Variants in PRKCB observed in about 807,000 individuals in gnomAD.
PRKCB encodes the protein protein kinase C beta type.
A neutral mutation model predicts 81.5 loss-of-function variants in PRKCB; 13 were observed. The ratio of observed to expected loss-of-function variants is 0.16; its 90% confidence interval spans 0.10 to 0.25. The LOEUF (loss-of-function observed/expected upper bound fraction) is 0.25, where lower values mean the gene tolerates loss of function less well. PRKCB is among the 10% of genes least tolerant of loss of function. PRKCB has a pLI of 1.00. For missense variants in PRKCB, 509 were observed against 875.7 expected (o/e 0.58, Z 5.29); for synonymous variants, 335 against 321.4 (o/e 1.04, Z -0.45).
chr16:24,121,090 G>A (rs1323684564), intron 8 of PRKCB, among the ~76,000 whole-genome samples: 1 of 152,186 alleles, frequency 6.6e-6, no homozygotes, highest in Non-Finnish European at 1.5e-5. Context: ...TCAACACTTT[G>A]TCTGCCTCCT....
chr16:23,979,143 C>A lies in PRKCB; in HGVS notation c.206-9365C>A, dbSNP rs1273438639. On this transcript the variant is annotated intron_variant, in intron 2 of 16. Coordinates refer to ENST00000643927, the MANE Select transcript of PRKCB (RefSeq NM_002738.7). The stretch of plus-strand genomic sequence containing the variant: ...ATAACTCACTTATTCCTCATAACAA[C>A]TCTATGAGGAAAGTACTATCATTGT... Among the ~76,000 whole-genome samples, 3 of 152,186 alleles carry A rather than the reference C, an allele frequency of 2.0e-5. No individual in the cohort carries two copies. In the East Asian group the frequency reaches 5.8e-4, roughly 29 times the overall value.
intron 5 of PRKCB, among the ~76,000 whole-genome samples, chr16:24,045,957 G>A (rs1324445164): frequency 6.6e-6 from 1 of 152,246 alleles, no homozygotes; most frequent in Non-Finnish European, 1.5e-5. Flanking sequence ...CATCTTACCA[G>A]TCATGAAGCT....
intron 16 of PRKCB, among the ~76,000 whole-genome samples, chr16:24,212,086 A>G (rs897455037): frequency 6.6e-6 from 1 of 152,136 alleles, no homozygotes; most frequent in Non-Finnish European, 1.5e-5. Flanking sequence ...AATTGCAATG[A>G]TCCTTTTTCG....
chr16:24,125,783 C>T (rs757537771), intron 9 of PRKCB, among the ~76,000 whole-genome samples: 1 of 152,198 alleles, frequency 6.6e-6, no homozygotes. Context: ...GTGGCAAGGG[C>T]ATCCACTGAG....
At chr16:23,903,269 G>A (rs1963511058) in intron 2 of PRKCB, among the ~76,000 whole-genome samples, 1 of 151,892 alleles carries the variant, frequency 6.6e-6, no homozygotes, top group Non-Finnish European at 1.5e-5. Flanking sequence ...GTGTGTGTGT[G>A]TGTGTGTGTG....
At position 24,219,245 on chromosome 16, in the gene PRKCB, CTTTTG is replaced by C. The variant is rs10639027; in HGVS notation, c.*4454_*4458del. ...AGGAGAATCGAGTTGCTTTGAGTTT[CTTTTG>C]TTTTGTTTTGTTTTGTTTTGTTTTA... On this transcript the variant is annotated 3_prime_UTR_variant, in exon 17 of 17. Transcript: ENST00000643927. 1.6e-3 allele frequency: 1,568 copies of C among 981,980 alleles called. 2 individuals are homozygous for C. The highest frequency in any genetic ancestry group is 2.1e-3 in the Admixed American group (34 of 16,120). The allele number at this position is 981,980 out of a possible 1,614,324, so 60.8% of individuals were successfully genotyped here.
At chr16:23,958,052 C>T (rs1249804000) in intron 2 of PRKCB, among the ~76,000 whole-genome samples, 1 of 152,156 alleles carries the variant, frequency 6.6e-6, no homozygotes, top group Non-Finnish European at 1.5e-5. Flanking sequence ...AGTGCAGTGG[C>T]ACAATCTTGG....
At chr16:23,881,253 G>A (rs998252720) in intron 2 of PRKCB, among the ~76,000 whole-genome samples, 4 of 136,408 alleles carry the variant, frequency 2.9e-5, no homozygotes, top group Non-Finnish European at 6.2e-5. Flanking sequence ...TCTTTTCCCA[G>A]TTTTTTTTTT....
intron 16 of PRKCB, among the ~76,000 whole-genome samples, chr16:24,203,617 AC>A (rs1967998523): frequency 6.6e-6 from 1 of 152,150 alleles, no homozygotes; most frequent in African/African-American, 2.4e-5. Flanking sequence ...TTCCAACTCC[AC>A]AAAGACTTCC....
chr16:24,101,690 G>C (rs1567374628), intron 7 of PRKCB, among the ~76,000 whole-genome samples: 1 of 152,214 alleles, frequency 6.6e-6, no homozygotes, highest in East Asian at 1.9e-4. Flanking sequence ...TTCTTACACT[G>C]TCATAGCTTT....
At chr16:24,021,870 A>T (rs1315810274) in intron 3 of PRKCB, among the ~76,000 whole-genome samples, 3 of 152,198 alleles carry the variant, frequency 2.0e-5, no homozygotes, top group African/African-American at 7.2e-5. Context: ...GGCAGGTAGT[A>T]TGTGTTCAAT....
rs1180605929 is a variant in PRKCB, at chr16:23,926,795, T to G, written c.206-61713T>G. 2.0e-5 allele frequency among the ~76,000 whole-genome samples: 3 copies of G among 152,088 alleles called. No homozygotes were observed. The East Asian group carries it at 5.8e-4, about 29-fold the overall frequency. Reference sequence around the variant, plus strand: ...CGTATGAGTGCAGGCATCTTTTATATAATAATTTCTTCTTTGGATAGCTGC... The same window carrying G: ...CGTATGAGTGCAGGCATCTTTTATAGAATAATTTCTTCTTTGGATAGCTGC... On this transcript the variant is annotated intron_variant, in intron 2 of 16. Coordinates refer to ENST00000643927, the MANE Select transcript of PRKCB (RefSeq NM_002738.7).
rs56883594 is a variant in PRKCB, at chr16:24,088,714, CAAAAA to C, written c.530-4058_530-4054del. Reference sequence around the variant, plus strand: ...ACCGCACTCCAGCGAGACCCTGTGTCAAAAAAAAAAAAAAAAAAAAAAATTGCTCT... The same window carrying C: ...ACCGCACTCCAGCGAGACCCTGTGTCAAAAAAAAAAAAAAAAAATTGCTCT... On this transcript the variant is annotated intron_variant, in intron 5 of 16. Coordinates refer to ENST00000643927, the MANE Select transcript of PRKCB (RefSeq NM_002738.7). Among the ~76,000 whole-genome samples, 222 of 113,636 alleles carry C rather than the reference CAAAAA, an allele frequency of 2.0e-3. 2 individuals carry two copies. Among genetic ancestry groups the C allele is most frequent in the Middle Eastern group, 9.3e-3 (2 of 216 alleles). 74.5% of individuals were successfully genotyped at this position (113,636 alleles called of 152,430 possible). A position where few individuals can be genotyped will look rare whatever the true frequency, so the allele number is the denominator to read the frequency against.
intron 2 of PRKCB, among the ~76,000 whole-genome samples, chr16:23,868,551 G>A (rs977052263): frequency 4.6e-5 from 7 of 152,112 alleles, no homozygotes; most frequent in Non-Finnish European, 7.4e-5. Flanking sequence ...ATAACCTGAG[G>A]CTCAGTTATT....
chr16:23,856,455 T>C (rs2188355), intron 2 of PRKCB, among the ~76,000 whole-genome samples: 97,199 of 151,834 alleles, frequency 0.64, 31,209 homozygotes, highest in Admixed American at 0.68. Context: ...AGGTCAAGAA[T>C]ACCATGAAGA....
intron 3 of PRKCB, among the ~76,000 whole-genome samples, chr16:24,022,643 C>T (rs1261474753): frequency 3.3e-5 from 5 of 152,036 alleles, no homozygotes; most frequent in Non-Finnish European, 7.4e-5. Context: ...AGGTGCATGC[C>T]GCCACGCCCG....
At position 24,216,733 on chromosome 16, in the gene PRKCB, A is replaced by G; in HGVS notation, c.*1917A>G. 1.0e-6 allele frequency: 1 copy of G among 985,462 alleles called. No homozygotes were observed. Among genetic ancestry groups the G allele is most frequent in the South Asian group, 4.7e-5 (1 of 21,292 alleles). The allele number at this position is 985,462 out of a possible 1,614,324, so 61.0% of individuals were successfully genotyped here. ...CAGGACCTAAGGTGAAGCAAACTTG[A>G]AGTTCTATCTGACAAGTTTAGGCAG... is the stretch of plus-strand genomic sequence containing the variant. On this transcript the variant is annotated 3_prime_UTR_variant, in exon 17 of 17. Transcript: ENST00000643927.
In PRKCB at chr16:24,215,639, CAAAAAAAAG is replaced by C. The variant is rs1567416047; in HGVS notation, c.*832_*840del. On this transcript the variant is annotated 3_prime_UTR_variant, in exon 17 of 17. Coordinates refer to ENST00000643927, the MANE Select transcript of PRKCB (RefSeq NM_002738.7). ...TTTTGTTTCTGTTGTTGTTCAAATGCAAAAAAAAGAAAAAAAAAGAAAAAAAAAGGTGAC... is the reference window on the plus strand; with the variant it reads ...TTTTGTTTCTGTTGTTGTTCAAATGCAAAAAAAAAGAAAAAAAAAGGTGAC... 20 of 964,218 alleles carry C rather than the reference CAAAAAAAAG, an allele frequency of 2.1e-5. No homozygotes were observed. Among genetic ancestry groups the C allele is most frequent in the Non-Finnish European group, 2.4e-5 (20 of 821,832 alleles). The allele number at this position is 964,218 out of a possible 1,614,324, so 59.7% of individuals were successfully genotyped here.
chr16:24,127,194 C>T (rs952345144), intron 9 of PRKCB, among the ~76,000 whole-genome samples: 3 of 151,630 alleles, frequency 2.0e-5, no homozygotes, highest in African/African-American at 4.8e-5. Flanking sequence ...TTAGTAGAGA[C>T]GGGGTTTCTC....
Sources: gnomAD v4.1 joint callset for allele counts (sites outside exome capture counted in the v4.1 genomes callset) on GRCh38, gnomAD v4.1.1 for gene constraint, MANE v1.5 for transcripts, NCBI Gene and HGNC (gene_info 2026-07-23, HGNC 2026-07-21) for gene names.